TCF12: variants seen among roughly 807,000 people sequenced by gnomAD.
TCF12 encodes the protein DNA-binding protein HTF4.
TCF12 carries 45 observed loss-of-function variants against 86.0 expected under a neutral mutation model. The observed-to-expected ratio is 0.52, with a 90% CI of 0.41 to 0.67. TCF12 has a LOEUF of 0.67. Among genes scored for constraint, TCF12 ranks in the 30% least tolerant of loss-of-function variants. The pLI, the probability that TCF12 is intolerant of heterozygous loss-of-function variation, is 0.00. For synonymous variants in TCF12, 330 were observed against 299.6 expected, an observed-to-expected ratio of 1.10 and a Z score of -1.05; for missense variants, 881 against 859.9, an observed-to-expected ratio of 1.02 and a Z score of -0.31.
chr15:57,236,036 G>C (rs1187350983), intron 12 of TCF12, among the ~76,000 whole-genome samples: 4 of 152,138 alleles, frequency 2.6e-5, no homozygotes, highest in African/African-American at 9.7e-5. Context: ...TAGTGGGTGG[G>C]CTTTGGTTGT....
Position 56,919,764 on chromosome 15 carries a change from G to A in TCF12, c.-22-128G>A, listed in dbSNP as rs186997278. The A allele has an allele frequency of 0.016, 11,718 of 742,728 alleles. 128 individuals are homozygous for A. The highest frequency in any genetic ancestry group is 0.02 in the Non-Finnish European group (9,312 of 472,174). The allele number at this position is 742,728 out of a possible 1,614,324, so 46.0% of individuals were successfully genotyped here. ...CTTGCTCGCGCCGCGGTGGGAGCGA[G>A]TCGGGGTCCTGGAAGTCATCCCGGC... On this transcript the variant is annotated intron_variant, in intron 1 of 20. Coordinates refer to ENST00000333725, the MANE Select transcript of TCF12 (RefSeq NM_207037.2).
chr15:57,172,202 A>C (rs1328515478), intron 6 of TCF12, among the ~76,000 whole-genome samples: 4 of 152,200 alleles, frequency 2.6e-5, no homozygotes, highest in Admixed American at 1.3e-4. Context: ...ACAATGACAG[A>C]TGTGTATACG....
At chr15:57,209,179 A>C (rs2151809577) in intron 8 of TCF12, among the ~76,000 whole-genome samples, 1 of 152,300 alleles carries the variant, frequency 6.6e-6, no homozygotes, top group South Asian at 2.1e-4. Flanking sequence ...TCTAAGCTGT[A>C]CTTTTTAACT....
chr15:57,089,290 A>G (rs1389735039), intron 4 of TCF12, among the ~76,000 whole-genome samples: 1 of 152,218 alleles, frequency 6.6e-6, no homozygotes, highest in Non-Finnish European at 1.5e-5. Flanking sequence ...CCTTACTGAT[A>G]CTTGATATGT....
chr15:57,114,964 G>A (rs1171350520), intron 5 of TCF12, among the ~76,000 whole-genome samples: 2 of 151,918 alleles, frequency 1.3e-5, no homozygotes, highest in Non-Finnish European at 2.9e-5. Context: ...ATAGAAAACA[G>A]TAAGCATGTT....
intron 6 of TCF12, among the ~76,000 whole-genome samples, chr15:57,174,322 A>T (rs1360571849): frequency 6.6e-6 from 1 of 152,212 alleles, no homozygotes; most frequent in Non-Finnish European, 1.5e-5. Context: ...AAACAATGTG[A>T]TCATTTCCAT....
chr15:57,162,709 T>A (rs2054585562), intron 5 of TCF12, among the ~76,000 whole-genome samples: 1 of 152,226 alleles, frequency 6.6e-6, no homozygotes, highest in Admixed American at 6.5e-5. Context: ...TTAGGTTTTT[T>A]AAAATGATCT....
In TCF12 at chr15:57,008,291, A is replaced by G. The variant is rs775055391; in HGVS notation, c.149-55459A>G. 8.6e-5 allele frequency among the ~76,000 whole-genome samples: 13 copies of G among 151,760 alleles called. No homozygotes were observed. In the South Asian group the frequency reaches 1.2e-3, roughly 15 times the overall value. On this transcript the variant is annotated intron_variant, in intron 3 of 20. Transcript: ENST00000333725. ...TGCCTGGCTGTGTGTTTTTTTGGAT[A>G]TATTTTATTGTCTTAATTTTTTAAA...
chr15:56,949,853 A>G (rs535466212), intron 3 of TCF12, among the ~76,000 whole-genome samples: 33 of 152,208 alleles, frequency 2.2e-4, no homozygotes, highest in Non-Finnish European at 4.6e-4. Flanking sequence ...ACTTGTGTCT[A>G]GAGAATTGGT....
At chr15:56,971,503 TC>T (rs2062321898) in intron 3 of TCF12, among the ~76,000 whole-genome samples, 1 of 152,112 alleles carries the variant, frequency 6.6e-6, no homozygotes, top group Non-Finnish European at 1.5e-5. Flanking sequence ...TATGGACAGT[TC>T]CCACCATGGC....
At chr15:57,120,191 A>G (rs1405518725) in intron 5 of TCF12, among the ~76,000 whole-genome samples, 1 of 152,224 alleles carries the variant, frequency 6.6e-6, no homozygotes, top group Non-Finnish European at 1.5e-5. Context: ...GGAAGCATTT[A>G]TGACTTTGCC....
In TCF12 at chr15:57,071,851, C is replaced by T. The variant is rs149963458; in HGVS notation, c.222+8028C>T. Reference sequence around the variant, plus strand: ...CAGGACAGATAGCATTTGAATAGGGCTGGAAGAAAGTCTGGAAATATGGAA... The same window carrying T: ...CAGGACAGATAGCATTTGAATAGGGTTGGAAGAAAGTCTGGAAATATGGAA... On this transcript the variant is annotated intron_variant, in intron 4 of 20. Coordinates refer to ENST00000333725, the MANE Select transcript of TCF12 (RefSeq NM_207037.2). Among the ~76,000 whole-genome samples, 78 of 152,016 alleles carry T rather than the reference C, an allele frequency of 5.1e-4. 1 individual carries two copies. Among genetic ancestry groups the T allele is most frequent in the African/African-American group, 1.9e-3 (78 of 41,458 alleles).
In TCF12 at chr15:57,158,184, G is replaced by GTTTTTTTT. The variant is rs374179677; in HGVS notation, c.326-8215_326-8214insTTTTTTTT. On this transcript the variant is annotated intron_variant, in intron 5 of 20. Coordinates refer to ENST00000333725, the MANE Select transcript of TCF12 (RefSeq NM_207037.2). ...ACAGATGTTAAAGTCTCAGAAAGTC[G>GTTTTTTTT]TTTCTTTTTTTTTTTTTTCTTTGAG... 1.3e-4 allele frequency among the ~76,000 whole-genome samples: 18 copies of GTTTTTTTT among 134,078 alleles called. 4 individuals carry two copies. Among genetic ancestry groups the GTTTTTTTT allele is most frequent in the Non-Finnish European group, 1.1e-4 (7 of 62,330 alleles). 88.0% of individuals were successfully genotyped at this position (134,078 alleles called of 152,430 possible). A position where few individuals can be genotyped will look rare whatever the true frequency, so the allele number is the denominator to read the frequency against.
chr15:56,929,915 A>G (rs182679641), intron 3 of TCF12, among the ~76,000 whole-genome samples: 1 of 152,304 alleles, frequency 6.6e-6, no homozygotes, highest in South Asian at 2.1e-4. Context: ...ATGGAAGATC[A>G]TTCTAGTTGC....
intron 6 of TCF12, among the ~76,000 whole-genome samples, chr15:57,177,706 T>C (rs1222945772): frequency 1.3e-5 from 2 of 151,508 alleles, no homozygotes; most frequent in Non-Finnish European, 2.9e-5. Context: ...TTTTATTTTA[T>C]TTACTTATTT....
chr15:57,054,959 C>G (rs1242837313), intron 3 of TCF12, among the ~76,000 whole-genome samples: 3 of 151,822 alleles, frequency 2.0e-5, no homozygotes, highest in Admixed American at 1.3e-4. Context: ...TGTATTACAT[C>G]TGAATGCATT....
intron 5 of TCF12, among the ~76,000 whole-genome samples, chr15:57,107,876 C>T (rs140789089): frequency 3.3e-5 from 5 of 152,188 alleles, no homozygotes; most frequent in African/African-American, 9.6e-5. Flanking sequence ...CCATTGCACT[C>T]GTGCCTGGTG....
At chr15:57,270,041 T>G (rs1458308281) in intron 18 of TCF12, among the ~76,000 whole-genome samples, 1 of 152,186 alleles carries the variant, frequency 6.6e-6, no homozygotes, top group Non-Finnish European at 1.5e-5. Flanking sequence ...TGTCTTGGAG[T>G]TGCTCATCTT....
In TCF12 at chr15:56,973,414, C is replaced by T. The variant is rs545536206; in HGVS notation, c.148+52316C>T. On this transcript the variant is annotated intron_variant, in intron 3 of 20. Coordinates refer to ENST00000333725, the MANE Select transcript of TCF12 (RefSeq NM_207037.2). ...TTTGTAGGACTCCCACTGGCCTTAT[C>T]TGTGCTACTGTCAGCATCAAAATAA... is the stretch of plus-strand genomic sequence containing the variant. Among the ~76,000 whole-genome samples the T allele has an allele frequency of 8.9e-4, 136 of 152,180 alleles. 1 individual carries two copies. Among genetic ancestry groups the T allele is most frequent in the African/African-American group, 3.0e-3 (124 of 41,534 alleles).
Sources: gnomAD v4.1 joint callset for allele counts (sites outside exome capture counted in the v4.1 genomes callset) on GRCh38, gnomAD v4.1.1 for gene constraint, MANE v1.5 for transcripts, NCBI Gene and HGNC (gene_info 2026-07-23, HGNC 2026-07-21) for gene names.